Variants in CLK3 observed in about 807,000 individuals in gnomAD.
CLK3 encodes dual specificity protein kinase CLK3.
In CLK3, 24 loss-of-function variants were observed where a neutral mutation model predicts 65.2. The ratio of observed to expected loss-of-function variants is 0.37; its 90% CI spans 0.27 to 0.52. The LOEUF is 0.52. CLK3 is among the 20% of genes least tolerant of loss of function. The pLI, the probability that CLK3 is intolerant of heterozygous loss-of-function variation, is 0.92. For missense variants in CLK3, 506 were observed against 660.0 expected (o/e 0.77, Z 2.56); for synonymous variants, 252 against 240.8 (o/e 1.05, Z -0.43).
rs563584529 is a variant in CLK3 at position 74,626,301 on chromosome 15, T to G, written c.817+333T>G. Among the ~76,000 whole-genome samples the G allele has an allele frequency of 5.3e-5, 8 of 152,288 alleles. No homozygotes were observed. The South Asian group carries it at 1.5e-3, about 28-fold the overall frequency. On this transcript the variant is annotated intron_variant, in intron 7 of 12. Transcript: ENST00000395066. ...GGGATAAAAAGGTAGAAGCCTGACC[T>G]GACAGATAGCACCACAGGTCCTGCC...
Position 74,625,941 on chromosome 15 carries a change from G to T in CLK3, c.790G>T (p.Ala264Ser). The T allele has an allele frequency of 6.2e-7, 1 of 1,614,020 alleles. No homozygotes were observed. Among genetic ancestry groups the T allele is most frequent in the Non-Finnish European group, 8.5e-7 (1 of 1,179,894 alleles). The change falls in exon 7 of 13, where the codon GCC (alanine) becomes TCC (serine). Residue 264 changes from alanine to serine, a missense_variant. Ala to Ser is a moderately conservative substitution (Grantham distance 99). This residue lies in a region of CLK3 where 325 missense variants were observed against 500.5 expected (regional missense o/e 0.65). Transcript: ENST00000395066. ...PYPLPHVRHM[A>S]YQLCHALRFL... is the part of the protein sequence containing the mutation. ...CCCCCTACCACATGTCCGGCACATG[G>T]CCTACCAGCTCTGCCACGCCCTTAG...
In CLK3 at chr15:74,627,136, C is replaced by T. The variant is rs2062149976; in HGVS notation, c.818-216C>T. On this transcript the variant is annotated intron_variant, in intron 7 of 12. Transcript: ENST00000395066. This position sits in a 1 kb window ranked among gnomAD's most constrained non-coding sequence, Gnocchi z 4.3. ...TTCGAATGGCAAATTTCTTTCCTAC[C>T]CCCCTGCTAAAGTATCAGAACCCTC... The T allele has an allele frequency of 1.2e-5, 8 of 665,282 alleles. No homozygotes were observed. Among genetic ancestry groups the T allele is most frequent in the South Asian group, 8.8e-5 (6 of 68,570 alleles). The allele number at this position is 665,282 out of a possible 1,614,324, so 41.2% of individuals were successfully genotyped here. A position where few individuals can be genotyped will look rare whatever the true frequency, so the allele number is the denominator to read the frequency against.
At position 74,627,515 on chromosome 15, in the gene CLK3, T is replaced by C. The variant is rs200840173; in HGVS notation, c.913-24T>C. 483 of 1,614,226 alleles carry C rather than the reference T, an allele frequency of 3.0e-4. 1 individual carries two copies. Among genetic ancestry groups the C allele is most frequent in the South Asian group, 9.9e-4 (90 of 91,088 alleles). The stretch of plus-strand genomic sequence containing the variant: ...TACCCGCTGGTGCAGACTCCTGACC[T>C]GGCAGGCCTGCCTTGCCTTTCAGAG... On this transcript the variant is annotated intron_variant, in intron 8 of 12. Transcript: ENST00000395066. This position sits in a 1 kb window ranked among gnomAD's most constrained non-coding sequence, Gnocchi z 4.3.
In CLK3 at chr15:74,622,480, C is replaced by A. The variant is rs750170722; in HGVS notation, c.467-14C>A. On this transcript the variant is annotated splice_polypyrimidine_tract_variant and intron_variant, in intron 4 of 12. Coordinates refer to ENST00000395066, the MANE Select transcript of CLK3 (RefSeq NM_001130028.2). The surrounding 1 kb of genome is among the most constrained non-coding windows in gnomAD (Gnocchi z 4.6). ...CCCTCCAGATTCTCATGCCCAATTTCTTTTCTCTCCTAGATGAGATTGTGG... is the reference window on the plus strand; with the variant it reads ...CCCTCCAGATTCTCATGCCCAATTTATTTTCTCTCCTAGATGAGATTGTGG... 4.9e-5 allele frequency: 78 copies of A among 1,600,012 alleles called. No individual in the cohort carries two copies. Among genetic ancestry groups the A allele is most frequent in the Non-Finnish European group, 3.7e-5 (43 of 1,173,520 alleles).
intron 1 of CLK3, 112 bp downstream of exon 1, chr15:74,616,010 C>G (rs1596285182): frequency 1.2e-6 from 1 of 849,992 alleles, no homozygotes; most frequent in Non-Finnish European, 1.6e-6. Context: ...CTTTCTTTCT[C>G]CTCTTCGGCC....
Position 74,615,889 on chromosome 15 carries a change from CT to C in CLK3, c.-9del. On this transcript the variant is annotated 5_prime_UTR_variant, in exon 1 of 13. Transcript: ENST00000395066. ...AGTGGGGCCTAGCTGCAGCCGGAGC[CT>C]GGGAGACGGTAAGTGTGGGCTGGGG... The C allele has an allele frequency of 8.0e-7, 1 of 1,253,344 alleles. No individual in the cohort carries two copies. The highest frequency in any genetic ancestry group is 1.0e-6 in the Non-Finnish European group (1 of 999,150). The allele number at this position is 1,253,344 out of a possible 1,614,324, so 77.6% of individuals were successfully genotyped here.
At chr15:74,615,340 C>T, upstream of CLK3, 1 of 1,019,826 alleles carries the variant, frequency 9.8e-7, no homozygotes, top group African/African-American at 1.7e-5. Context: ...CCCGCACACA[C>T]CAAGATAATA....
At position 74,627,843 on chromosome 15, in the gene CLK3, A is replaced by T; in HGVS notation, c.1043-127A>T. 1 of 1,185,532 alleles carries T rather than the reference A, an allele frequency of 8.4e-7. No individual in the cohort carries two copies. The highest frequency in any genetic ancestry group is 1.3e-5 in the South Asian group (1 of 75,494). The allele number at this position is 1,185,532 out of a possible 1,614,324, so 73.4% of individuals were successfully genotyped here. A position where few individuals can be genotyped will look rare whatever the true frequency, so the allele number is the denominator to read the frequency against. On this transcript the variant is annotated intron_variant, in intron 9 of 12. Coordinates refer to ENST00000395066, the MANE Select transcript of CLK3 (RefSeq NM_001130028.2). This position sits in a 1 kb window ranked among gnomAD's most constrained non-coding sequence, Gnocchi z 4.3. ...TGACCTGGCTTTATCTGTCAGCCTT[A>T]CTGAGAGAGGGCCTCGTACTGGGAT...
chr15:74,620,312 A>C, intron 3 of CLK3, 87 bp downstream of exon 3: 1 of 1,565,002 alleles, frequency 6.4e-7, no homozygotes, highest in Non-Finnish European at 8.7e-7. Context: ...CCGGGTGAGT[A>C]CTGCCAGCCC....
intron 11 of CLK3, 127 bp downstream of exon 11, chr15:74,628,810 C>A: frequency 3.9e-6 from 4 of 1,028,510 alleles, no homozygotes; most frequent in Non-Finnish European, 4.4e-6. Flanking sequence ...CTCCTAAAAG[C>A]CTTCCCTGTG....
chr15:74,615,928 A>ACAG, intron 1 of CLK3, 30 bp downstream of exon 1: 1 of 1,237,670 alleles, frequency 8.1e-7, no homozygotes, highest in Non-Finnish European at 1.0e-6. Context: ...CGCGGCGGCG[A>ACAG]CAGCGGCGGC....
At chr15:74,616,503 C>T (rs909069848) in intron 1 of CLK3, among the ~76,000 whole-genome samples, 15 of 152,274 alleles carry the variant, frequency 9.9e-5, no homozygotes, top group African/African-American at 3.4e-4. Flanking sequence ...GTTCAAATCC[C>T]CTGGCTGCTC....
Position 74,630,180 on chromosome 15 carries a change from T to TAA in CLK3, c.*299_*300dup. ...CCTTCCCCTTACCTGACCTTATTAA[T>TAA]AAAGTCTTTCTTAGCAGTTCAGCTT... On this transcript the variant is annotated 3_prime_UTR_variant, in exon 13 of 13. Transcript: ENST00000395066. 3.1e-6 allele frequency: 1 copy of TAA among 324,166 alleles called. No homozygotes were observed. The highest frequency in any genetic ancestry group is 5.8e-6 in the Non-Finnish European group (1 of 173,488). 20.1% of individuals were successfully genotyped at this position (324,166 alleles called of 1,614,324 possible).
intron 5 of CLK3, chr15:74,623,640 T>C (rs1781656728): frequency 6.6e-6 from 1 of 152,146 alleles, no homozygotes; most frequent in African/African-American, 2.4e-5. Context: ...CGTGGCCAGG[T>C]GGAGACATGG....
chr15:74,614,673 G>T (rs1000984660), upstream of CLK3, among the ~76,000 whole-genome samples: 1 of 152,182 alleles, frequency 6.6e-6, no homozygotes, highest in African/African-American at 2.4e-5. Flanking sequence ...GAAGCGGGGG[G>T]CTCCCCTGCG....
At chr15:74,617,124 C>G (rs1405038511) in intron 1 of CLK3, among the ~76,000 whole-genome samples, 1 of 152,132 alleles carries the variant, frequency 6.6e-6, no homozygotes, top group Non-Finnish European at 1.5e-5. Context: ...TGTGTGGTAC[C>G]TTATAACTCT....
chr15:74,615,872 C>G lies in CLK3; in HGVS notation c.-27C>G. ...AGGCGCTCGGAGCGGGGAGTGGGGC[C>G]TAGCTGCAGCCGGAGCCTGGGAGAC... On this transcript the variant is annotated 5_prime_UTR_variant, in exon 1 of 13. Transcript: ENST00000395066. 1 of 1,255,696 alleles carries G rather than the reference C, an allele frequency of 8.0e-7. No individual in the cohort carries two copies. Among genetic ancestry groups the G allele is most frequent in the Non-Finnish European group, 1.0e-6 (1 of 1,000,192 alleles). 77.8% of individuals were successfully genotyped at this position (1,255,696 alleles called of 1,614,324 possible).
chr15:74,608,804 C>T (rs974231084), intron 1 of CLK3: 42 of 152,236 alleles, frequency 2.8e-4, no homozygotes, highest in African/African-American at 6.0e-4. Flanking sequence ...GGGCCATTCC[C>T]CCTCAGCCAG....
upstream of CLK3, among the ~76,000 whole-genome samples, chr15:74,611,695 G>A (rs1310393634): frequency 6.6e-6 from 1 of 152,262 alleles, no homozygotes; most frequent in Admixed American, 6.5e-5. Flanking sequence ...CCCTTCAGTG[G>A]GGCTTGGTGG....
Sources: gnomAD v4.1 joint callset for allele counts (sites outside exome capture counted in the v4.1 genomes callset) on GRCh38, gnomAD v4.1.1 for gene constraint, gnomAD v4.1.1 regional missense constraint, Gnocchi (gnomAD v3.1) non-coding constraint, MANE v1.5 for transcripts, NCBI Gene and HGNC (gene_info 2026-07-23, HGNC 2026-07-21) for gene names.